OR1C1: variants seen among roughly 807,000 people sequenced by gnomAD.
The protein encoded by OR1C1 is olfactory receptor 1C1.
For missense variants in OR1C1, 407 were observed against 384.3 expected (o/e 1.06, Z -0.49); for synonymous variants, 153 against 154.6 (o/e 0.99, Z 0.08).
In OR1C1 at chr1:247,760,410, A is replaced by T. The variant is rs1661310786; in HGVS notation, c.-14+2T>A. The T allele has an allele frequency of 6.6e-6, 1 of 152,154 alleles. No homozygotes were observed. The highest frequency in any genetic ancestry group is 6.6e-5 in the Admixed American group (1 of 15,266). The allele number at this position is 152,154 out of a possible 1,614,324, so 9.4% of individuals were successfully genotyped here. A position where few individuals can be genotyped will look rare whatever the true frequency, so the allele number is the denominator to read the frequency against. Reference sequence around the variant, plus strand: ...CAAAGAAAAAAATGTATGAATACATACCCTTTTCTGAGACCTTTGCCACCT... The same window carrying T: ...CAAAGAAAAAAATGTATGAATACATTCCCTTTTCTGAGACCTTTGCCACCT... On this transcript the variant is annotated splice_donor_variant, in intron 1 of 1. Transcript: ENST00000641256. LOFTEE classifies it low-confidence loss of function (5UTR_SPLICE).
chr1:247,756,759 A>C lies in OR1C1; in HGVS notation c.*703T>G, dbSNP rs564308731. ...AGTTAATGTATTCCCCATATGAAAA[A>C]TGCAGCTGAGAACCTGATCTCTTCT... is the stretch of plus-strand genomic sequence containing the variant. On this transcript the variant is annotated 3_prime_UTR_variant, in exon 2 of 2. Coordinates refer to ENST00000641256, the MANE Select transcript of OR1C1 (RefSeq NM_012353.3). The surrounding 1 kb of genome is among the most constrained non-coding windows in gnomAD (Gnocchi z 4.3). The C allele has an allele frequency of 6.6e-6, 1 of 152,312 alleles. No individual in the cohort carries two copies. Among genetic ancestry groups the C allele is most frequent in the South Asian group, 2.1e-4 (1 of 4,822 alleles). The allele number at this position is 152,312 out of a possible 1,614,324, so 9.4% of individuals were successfully genotyped here. A position where few individuals can be genotyped will look rare whatever the true frequency, so the allele number is the denominator to read the frequency against.
rs1661188584 is a variant in OR1C1 at position 247,755,234 on chromosome 1, G to T, written c.*2228C>A. 2 of 152,100 alleles carry T rather than the reference G, an allele frequency of 1.3e-5. No homozygotes were observed. The highest frequency in any genetic ancestry group is 2.4e-5 in the African/African-American group (1 of 41,430). 9.4% of individuals were successfully genotyped at this position (152,100 alleles called of 1,614,324 possible). A position where few individuals can be genotyped will look rare whatever the true frequency, so the allele number is the denominator to read the frequency against. On this transcript the variant is annotated 3_prime_UTR_variant, in exon 2 of 2. Transcript: ENST00000641256. ...TAATAGAAGAAAGCACAGGGGGAAA[G>T]CTCTATGACATTGGTATGCATGATA...
intron 1 of OR1C1, among the ~76,000 whole-genome samples, chr1:247,759,882 A>C (rs557031162): frequency 6.6e-6 from 1 of 152,302 alleles, no homozygotes; most frequent in East Asian, 1.9e-4. Context: ...ATGTATTTGC[A>C]TGCCTTTGAG....
At chr1:247,758,667 A>G (rs1661278370) in intron 1 of OR1C1, 3 of 360,842 alleles carry the variant, frequency 8.3e-6, no homozygotes, top group African/African-American at 6.0e-5. Flanking sequence ...TCTTCCCCCA[A>G]AAGAAAATGC....
intron 1 of OR1C1, among the ~76,000 whole-genome samples, chr1:247,760,118 A>T (rs1430039206): frequency 6.6e-6 from 1 of 152,236 alleles, no homozygotes; most frequent in Non-Finnish European, 1.5e-5. Flanking sequence ...TAGTTTGCAC[A>T]GAGTTGGTGC....
chr1:247,758,581 G>A (rs1661276605), intron 1 of OR1C1, 162 bp from the exon 2 acceptor site: 1 of 579,592 alleles, frequency 1.7e-6, no homozygotes, highest in South Asian at 2.3e-5. Flanking sequence ...ATGACATCTT[G>A]TGTTCATGAT....
At chr1:247,758,517 TGCATGC>T in intron 1 of OR1C1, 98 bp from the exon 2 acceptor site, 3 of 662,870 alleles carry the variant, frequency 4.5e-6, no homozygotes, top group South Asian at 1.9e-5. Flanking sequence ...TGTGTGTGTG[TGCATGC>T]GTGCGCAGGT....
At position 247,757,524 on chromosome 1, in the gene OR1C1, T is replaced by C. The variant is rs771215477; in HGVS notation, c.883A>G (p.Arg295Gly). Reference sequence around the variant, plus strand: ...TTCTGAAGTCCCCTCTTCATATCCCTGTTCCTTAGGGTATAGATGAAAGGA... The same window carrying C: ...TTCTGAAGTCCCCTCTTCATATCCCCGTTCCTTAGGGTATAGATGAAAGGA... Reference protein sequence around the residue: ...LNPFIYTLRNRDMKRGLQKML... With the variant: ...LNPFIYTLRNGDMKRGLQKML... Residue 295 changes from arginine to glycine, a missense_variant, in exon 2 of 2, where the codon AGG becomes GGG. Arg to Gly is a moderately radical substitution (Grantham distance 125). Transcript: ENST00000641256. 6.2e-7 allele frequency: 1 copy of C among 1,614,000 alleles called. No homozygotes were observed. The highest frequency in any genetic ancestry group is 8.5e-7 in the Non-Finnish European group (1 of 1,179,992).
Position 247,756,780 on chromosome 1 carries a change from C to A in OR1C1, c.*682G>T, listed in dbSNP as rs188385351. 6.6e-6 allele frequency: 1 copy of A among 152,258 alleles called. No individual in the cohort carries two copies. Among genetic ancestry groups the A allele is most frequent in the Non-Finnish European group, 1.5e-5 (1 of 68,026 alleles). The allele number at this position is 152,258 out of a possible 1,614,324, so 9.4% of individuals were successfully genotyped here. ...AAAAATGCAGCTGAGAACCTGATCT[C>A]TTCTCTAAAGATATTGTATACCCAA... is the stretch of plus-strand genomic sequence containing the variant. On this transcript the variant is annotated 3_prime_UTR_variant, in exon 2 of 2. Transcript: ENST00000641256. This position sits in a 1 kb window ranked among gnomAD's most constrained non-coding sequence, Gnocchi z 4.3.
rs143188829 is a variant in OR1C1 at position 247,758,182 on chromosome 1, C to T, written c.225G>A (p.Ser75=). The change falls in exon 2 of 2, where the codon TCG becomes TCA. Residue 75 remains serine, a synonymous_variant. Coordinates refer to ENST00000641256, the MANE Select transcript of OR1C1 (RefSeq NM_012353.3). The stretch of plus-strand genomic sequence containing the variant: ...TCACTACCATTTGGGGGACTGTAGT[C>T]GACGTAAAGCAGATGTCAACAAAGG... ...NLAFVDICFT[S]TTVPQMVVNI... is the part of the protein sequence containing the mutation. The T allele has an allele frequency of 3.1e-4, 508 of 1,613,884 alleles. 3 individuals carry two copies. In the African/African-American group the frequency reaches 5.8e-3, roughly 18 times the overall value.
In OR1C1 at chr1:247,758,200, A is replaced by C; in HGVS notation, c.207T>G (p.Val69=). 6.2e-7 allele frequency: 1 copy of C among 1,614,092 alleles called. No individual in the cohort carries two copies. Among genetic ancestry groups the C allele is most frequent in the South Asian group, 1.1e-5 (1 of 91,080 alleles). Residue 69 remains valine, a synonymous_variant, in exon 2 of 2, where the codon GTT becomes GTG. Coordinates refer to ENST00000641256, the MANE Select transcript of OR1C1 (RefSeq NM_012353.3). ...MYFFLSNLAF[V]DICFTSTTVP... ...CTGTAGTCGACGTAAAGCAGATGTCAACAAAGGCCAAGTTACTAAGGAAGA... is the reference window on the plus strand; with the variant it reads ...CTGTAGTCGACGTAAAGCAGATGTCCACAAAGGCCAAGTTACTAAGGAAGA...
Position 247,758,173 on chromosome 1 carries a change from G to T in OR1C1, c.234C>A (p.Val78=), listed in dbSNP as rs755608030. ...TCAAGATATTCACTACCATTTGGGG[G>T]ACTGTAGTCGACGTAAAGCAGATGT... ...FVDICFTSTT[V]PQMVVNILTG... Residue 78 remains valine (V), a synonymous_variant, in exon 2 of 2, where the codon GTC becomes GTA. Coordinates refer to ENST00000641256, the MANE Select transcript of OR1C1 (RefSeq NM_012353.3). The T allele has an allele frequency of 6.8e-6, 11 of 1,613,922 alleles. No homozygotes were observed. The highest frequency in any genetic ancestry group is 7.6e-6 in the Non-Finnish European group (9 of 1,179,976).
In OR1C1 at chr1:247,758,233, A is replaced by G; in HGVS notation, c.174T>C (p.Pro58=). The change falls in exon 2 of 2, where the codon CCT becomes CCC. Residue 58 remains proline (P), a synonymous_variant. Coordinates refer to ENST00000641256, the MANE Select transcript of OR1C1 (RefSeq NM_012353.3). ...TIGFDSHLHS[P]MYFFLSNLAF... is the part of the protein sequence containing the mutation. ...CCAAGTTACTAAGGAAGAAGTACAT[A>G]GGGGAATGGAGGTGAGAGTCAAAGC... 6.2e-7 allele frequency: 1 copy of G among 1,614,072 alleles called. No individual in the cohort carries two copies. Among genetic ancestry groups the G allele is most frequent in the Non-Finnish European group, 8.5e-7 (1 of 1,179,990 alleles).
chr1:247,757,359 G>C lies in OR1C1; in HGVS notation c.*103C>G. The C allele has an allele frequency of 1.2e-6, 1 of 813,996 alleles. No homozygotes were observed. Among genetic ancestry groups the C allele is most frequent in the Non-Finnish European group, 2.0e-6 (1 of 504,264 alleles). 50.4% of individuals were successfully genotyped at this position (813,996 alleles called of 1,614,324 possible). A position where few individuals can be genotyped will look rare whatever the true frequency, so the allele number is the denominator to read the frequency against. The stretch of plus-strand genomic sequence containing the variant: ...TTAACACGATTTCCAGCATAAGGGA[G>C]ACATTTAATAGCAGTTGGTTTCTCT... On this transcript the variant is annotated 3_prime_UTR_variant, in exon 2 of 2. Coordinates refer to ENST00000641256, the MANE Select transcript of OR1C1 (RefSeq NM_012353.3).
intron 1 of OR1C1, chr1:247,758,638 A>G: frequency 4.7e-6 from 2 of 428,258 alleles, no homozygotes; most frequent in Non-Finnish European, 8.3e-6. Flanking sequence ...GTCAGTATCA[A>G]CTTCTTTCAA....
rs1219783905 is a variant in OR1C1 at position 247,757,935 on chromosome 1, G to A, written c.472C>T (p.Leu158=). ...AGCTGTGCTATTAGGACAGTATGCA[G>A]GAGGGCGTGGAGGTAAGTAACAAGC... The part of the protein sequence containing the change: ...LWLVTYLHAL[L]HTVLIAQLSF... The change falls in exon 2 of 2, where the codon CTG becomes TTG. Residue 158 remains leucine (L), a synonymous_variant. Coordinates refer to ENST00000641256, the MANE Select transcript of OR1C1 (RefSeq NM_012353.3). 1 of 1,614,064 alleles carries A rather than the reference G, an allele frequency of 6.2e-7. No homozygotes were observed. The highest frequency in any genetic ancestry group is 1.1e-5 in the South Asian group (1 of 91,078).
intron 1 of OR1C1, chr1:247,758,632 G>A (rs2103235586): frequency 2.3e-6 from 1 of 440,258 alleles, no homozygotes; most frequent in South Asian, 4.9e-5. Flanking sequence ...GGACATGTCA[G>A]TATCAACTTC....
chr1:247,757,834 G>C lies in OR1C1; in HGVS notation c.573C>G (p.Asp191Glu), dbSNP rs746726288. ...AAATGATCATTACATTGAAGGAGAC[G>C]TCAGAGCAAGAGAGCTGCAGGAGAG... is the stretch of plus-strand genomic sequence containing the variant. ...LNPLLQLSCS[D>E]VSFNVMIIFA... Residue 191 changes from aspartate (D) to glutamate (E), a missense_variant, in exon 2 of 2, where the codon GAC becomes GAG. Asp to Glu is a conservative substitution (Grantham distance 45). Coordinates refer to ENST00000641256, the MANE Select transcript of OR1C1 (RefSeq NM_012353.3). 1 of 1,613,728 alleles carries C rather than the reference G, an allele frequency of 6.2e-7. No homozygotes were observed. Among genetic ancestry groups the C allele is most frequent in the African/African-American group, 1.3e-5 (1 of 75,006 alleles).
rs372855082 is a variant in OR1C1, at chr1:247,760,396, AT to A, written c.-14+15del. On this transcript the variant is annotated intron_variant, in intron 1 of 1. Transcript: ENST00000641256. ...TGTCTTCACTAAAACAAAGAAAAAA[AT>A]GTATGAATACATACCCTTTTCTGAG... The A allele has an allele frequency of 3.3e-5, 5 of 152,318 alleles. No homozygotes were observed. The highest frequency in any genetic ancestry group is 4.1e-4 in the South Asian group (2 of 4,830). The allele number at this position is 152,318 out of a possible 1,614,324, so 9.4% of individuals were successfully genotyped here. A position where few individuals can be genotyped will look rare whatever the true frequency, so the allele number is the denominator to read the frequency against.
Sources: allele counts gnomAD v4.1 joint callset (sites outside exome capture counted in the v4.1 genomes callset), GRCh38; gene constraint gnomAD v4.1.1; non-coding constraint Gnocchi (gnomAD v3.1); transcripts MANE v1.5; gene names NCBI Gene and HGNC (gene_info 2026-07-23, HGNC 2026-07-21).